Variants in TMEM132D observed in about 807,000 individuals in gnomAD.
TMEM132D encodes mature OL transmembrane protein.
In TMEM132D, 21 loss-of-function variants were observed where a neutral mutation model predicts 62.3. That is an observed-to-expected ratio of 0.34 (90% CI 0.24 to 0.49). The LOEUF (loss-of-function observed/expected upper bound fraction) is 0.49. TMEM132D is among the 20% of genes least tolerant of loss of function. TMEM132D has a pLI of 0.99. For synonymous variants in TMEM132D, 621 were observed against 575.6 expected (o/e 1.08, Z -1.13); for missense variants, 1,346 against 1,402.8 (o/e 0.96, Z 0.65).
chr12:129,771,508 A>G (rs930270815), intron 1 of TMEM132D, among the ~76,000 whole-genome samples: 1 of 152,216 alleles, frequency 6.6e-6, no homozygotes, highest in Non-Finnish European at 1.5e-5. Context: ...GGATGCAGCT[A>G]TTCATCTTGC....
intron 5 of TMEM132D, among the ~76,000 whole-genome samples, chr12:129,093,181 C>G (rs1256453580): frequency 6.6e-6 from 1 of 152,136 alleles, no homozygotes; most frequent in Admixed American, 6.5e-5. Context: ...AGGGATGCTC[C>G]ATGTACAGAG....
intron 3 of TMEM132D, among the ~76,000 whole-genome samples, chr12:129,377,311 G>C (rs1870809938): frequency 6.6e-6 from 1 of 152,120 alleles, no homozygotes; most frequent in Non-Finnish European, 1.5e-5. Flanking sequence ...ACTCCTGTTG[G>C]TGAAGCACTC....
At chr12:129,239,908 C>T (rs567906305) in intron 4 of TMEM132D, among the ~76,000 whole-genome samples, 95 of 152,258 alleles carry the variant, frequency 6.2e-4, no homozygotes, top group African/African-American at 2.2e-3. Flanking sequence ...TGGTGTAGAA[C>T]AATTTTGATT....
intron 3 of TMEM132D, among the ~76,000 whole-genome samples, chr12:129,376,285 A>G (rs1290272684): frequency 2.6e-5 from 4 of 152,156 alleles, no homozygotes; most frequent in African/African-American, 9.7e-5. Context: ...ACAGTTCAGC[A>G]TGGTTGGGGA....
intron 4 of TMEM132D, among the ~76,000 whole-genome samples, chr12:129,238,996 G>GTTTTTTTTTTT (rs1555240386): frequency 7.5e-6 from 1 of 133,046 alleles, no homozygotes. Context: ...GTTATTTTCT[G>GTTTTTTTTTTT]TTTTTTTTTT....
At chr12:129,436,103 G>A (rs1008794468) in intron 3 of TMEM132D, among the ~76,000 whole-genome samples, 16 of 152,034 alleles carry the variant, frequency 1.1e-4, no homozygotes, top group African/African-American at 1.4e-4. Flanking sequence ...TCGGAGCCAC[G>A]GCAGCTATCT....
intron 5 of TMEM132D, among the ~76,000 whole-genome samples, chr12:129,189,145 G>T (rs1033285936): frequency 6.6e-6 from 1 of 152,060 alleles, no homozygotes; most frequent in Non-Finnish European, 1.5e-5. Flanking sequence ...CATGAGAGAG[G>T]AGGAAGTCCC....
chr12:129,215,486 T>C (rs1480386007), intron 4 of TMEM132D, among the ~76,000 whole-genome samples: 1 of 152,180 alleles, frequency 6.6e-6, no homozygotes, highest in African/African-American at 2.4e-5. Flanking sequence ...AAATAAGAGT[T>C]ACATAAAAAT....
intron 1 of TMEM132D, among the ~76,000 whole-genome samples, chr12:129,730,611 C>G (rs533336516): frequency 2.0e-5 from 3 of 151,960 alleles, no homozygotes; most frequent in African/African-American, 7.2e-5. Flanking sequence ...TGCAAAGTAT[C>G]GTTCCTGGGT....
In TMEM132D at chr12:129,074,876, C is replaced by A. The variant is rs73159540; in HGVS notation, c.2299G>T (p.Val767Phe). 1 of 1,613,862 alleles carries A rather than the reference C, an allele frequency of 6.2e-7. No individual in the cohort carries two copies. Among genetic ancestry groups the A allele is most frequent in the Middle Eastern group, 1.6e-4 (1 of 6,062 alleles). The change falls in exon 9 of 9, where the codon GTC (valine) becomes TTC (phenylalanine). Residue 767 changes from valine (V) to phenylalanine (F), a missense_variant. Coordinates refer to ENST00000422113, the MANE Select transcript of TMEM132D (RefSeq NM_133448.3). Reference protein sequence around the residue: ...AAETEGQGTLVKVEMVISESC... With the variant: ...AAETEGQGTLFKVEMVISESC... ...TCACTAATAACCATTTCCACCTTGA[C>A]CAGGGTGCCTTGTCCTTCTGTTTCC...
chr12:129,663,521 T>G (rs1291311863), intron 2 of TMEM132D, among the ~76,000 whole-genome samples: 1 of 152,202 alleles, frequency 6.6e-6, no homozygotes. Context: ...CCAGGACATA[T>G]TGAATCATGC....
chr12:129,588,438 A>T (rs1413576444), intron 2 of TMEM132D, among the ~76,000 whole-genome samples: 1 of 152,206 alleles, frequency 6.6e-6, no homozygotes, highest in East Asian at 1.9e-4. Context: ...CTGGGAACCT[A>T]CTTTGGTGTA....
At chr12:129,395,030 G>A (rs1189510304) in intron 3 of TMEM132D, among the ~76,000 whole-genome samples, 3 of 152,184 alleles carry the variant, frequency 2.0e-5, no homozygotes, top group East Asian at 1.9e-4. Context: ...GAGGCTATCC[G>A]TAGTCCTTCC....
intron 1 of TMEM132D, among the ~76,000 whole-genome samples, chr12:129,868,206 CAT>C (rs1329442313): frequency 2.6e-5 from 4 of 151,498 alleles, no homozygotes; most frequent in Admixed American, 6.6e-5. Flanking sequence ...ATGGTACACA[CAT>C]GAGGCAGCGT....
Position 129,268,806 on chromosome 12 carries a change from G to A in TMEM132D, c.1300-59143C>T, listed in dbSNP as rs541122670. ...ATGAGAGACTGGATTAAGAAAATGT[G>A]GCACATATACACCATGGAATACTAT... On this transcript the variant is annotated intron_variant, in intron 4 of 8. Transcript: ENST00000422113. Among the ~76,000 whole-genome samples, 10 of 152,128 alleles carry A rather than the reference G, an allele frequency of 6.6e-5. No homozygotes were observed. In the East Asian group the frequency reaches 1.9e-3, roughly 29 times the overall value.
At chr12:129,221,808 C>A (rs544146344) in intron 4 of TMEM132D, among the ~76,000 whole-genome samples, 1 of 152,208 alleles carries the variant, frequency 6.6e-6, no homozygotes, top group Non-Finnish European at 1.5e-5. Context: ...ACTCCTACCC[C>A]TGGCCTCCCA....
At chr12:129,477,847 C>T (rs1421878410) in intron 3 of TMEM132D, among the ~76,000 whole-genome samples, 2 of 151,792 alleles carry the variant, frequency 1.3e-5, no homozygotes, top group Non-Finnish European at 1.5e-5. Context: ...AAAATAGACA[C>T]ATACACACAC....
At chr12:129,101,201 T>G (rs1168737189) in intron 5 of TMEM132D, among the ~76,000 whole-genome samples, 1 of 152,224 alleles carries the variant, frequency 6.6e-6, no homozygotes, top group Non-Finnish European at 1.5e-5. Flanking sequence ...ATCTAAGCTC[T>G]GCAGTGCCCA....
chr12:129,621,645 G>C (rs1226060716), intron 2 of TMEM132D, among the ~76,000 whole-genome samples: 1 of 152,172 alleles, frequency 6.6e-6, no homozygotes, highest in East Asian at 1.9e-4. Context: ...TGGTGTCCCA[G>C]AGCTTTAAAA....
Sources: allele counts gnomAD v4.1 joint callset (sites outside exome capture counted in the v4.1 genomes callset), GRCh38; gene constraint gnomAD v4.1.1; transcripts MANE v1.5; gene names NCBI Gene and HGNC (gene_info 2026-07-23, HGNC 2026-07-21).